The following CNTN5 variants were observed in gnomAD, a reference collection of about 807,000 sequenced individuals.
CNTN5 encodes contactin-5.
A neutral mutation model predicts 129.1 loss-of-function variants in CNTN5; 77 were observed. The observed-to-expected ratio is 0.60, with a 90% CI of 0.50 to 0.72. The LOEUF (loss-of-function observed/expected upper bound fraction) is 0.72, where lower values mean the gene tolerates loss of function less well. Ranked by LOEUF, CNTN5 falls within the 30% of genes least tolerant of loss-of-function variation. The probability of loss-of-function intolerance (pLI) is 0.00; values close to 1 mark genes in which losing one functional copy is unlikely to be tolerated. For synonymous variants in CNTN5, 509 were observed against 465.6 expected (o/e 1.09, Z -1.20); for missense variants, 1,478 against 1,328.8 (o/e 1.11, Z -1.75).
intron 2 of CNTN5, among the ~76,000 whole-genome samples, chr11:99,435,972 A>G (rs1488142678): frequency 6.6e-6 from 1 of 152,222 alleles, no homozygotes; most frequent in Admixed American, 6.5e-5. Flanking sequence ...GGTCGTATTC[A>G]ACTTTGAAAT....
At chr11:99,129,639 T>C (rs1178371414) in intron 1 of CNTN5, among the ~76,000 whole-genome samples, 1 of 151,984 alleles carries the variant, frequency 6.6e-6, no homozygotes, top group Non-Finnish European at 1.5e-5. Context: ...CACGAGAAGA[T>C]CTACTGCAAG....
At chr11:99,361,592 CT>C in intron 2 of CNTN5, among the ~76,000 whole-genome samples, 1 of 152,178 alleles carries the variant, frequency 6.6e-6, no homozygotes, top group Middle Eastern at 3.4e-3. Context: ...TCTTTTCAGA[CT>C]TTTTCATCAT....
At chr11:99,062,129 G>T (rs1864909556) in intron 1 of CNTN5, among the ~76,000 whole-genome samples, 1 of 152,028 alleles carries the variant, frequency 6.6e-6, no homozygotes, top group African/African-American at 2.4e-5. Flanking sequence ...AAAAACCCAA[G>T]ACAATTTTGA....
At chr11:99,738,379 C>T (rs544485278) in intron 3 of CNTN5, among the ~76,000 whole-genome samples, 6 of 152,152 alleles carry the variant, frequency 3.9e-5, no homozygotes, top group South Asian at 2.1e-4. Context: ...GTCTCCAGAA[C>T]GATGAGAAAA....
rs1027330659 is a variant in CNTN5, at chr11:100,236,914, G to C, written c.2005+12102G>C. The stretch of plus-strand genomic sequence containing the variant: ...GGTCACCAAGAAAGAACTCCGCTGG[G>C]CGCGGTGGCTCACGCCTGTAATCCC... On this transcript the variant is annotated intron_variant, in intron 16 of 24. Coordinates refer to ENST00000524871, the MANE Select transcript of CNTN5 (RefSeq NM_014361.4). Among the ~76,000 whole-genome samples, 4 of 152,260 alleles carry C rather than the reference G, an allele frequency of 2.6e-5. No homozygotes were observed. The South Asian group carries it at 8.3e-4, about 32-fold the overall frequency.
intron 6 of CNTN5, among the ~76,000 whole-genome samples, chr11:99,870,414 C>A (rs563607259): frequency 2.6e-4 from 40 of 152,140 alleles, no homozygotes; most frequent in African/African-American, 8.9e-4. Flanking sequence ...AGCAAGGAAG[C>A]TTTTCTGTTA....
chr11:99,784,795 G>GTTTTTT (rs55715264), intron 3 of CNTN5, among the ~76,000 whole-genome samples: 4 of 93,928 alleles, frequency 4.3e-5, no homozygotes, highest in Non-Finnish European at 8.3e-5. Context: ...ATCTCATTGT[G>GTTTTTT]TTTTTTTTTT....
At chr11:99,523,405 G>A (rs148593789) in intron 2 of CNTN5, among the ~76,000 whole-genome samples, 1,633 of 152,134 alleles carry the variant, frequency 0.011, 32 homozygotes, top group African/African-American at 0.037. Context: ...GACCAGCCTA[G>A]GCGACGTGGC....
At chr11:99,191,127 A>T (rs2135592092) in intron 1 of CNTN5, among the ~76,000 whole-genome samples, 1 of 151,686 alleles carries the variant, frequency 6.6e-6, no homozygotes, top group Non-Finnish European at 1.5e-5. Context: ...CATTCTGTTG[A>T]TGTGTGTACC....
intron 2 of CNTN5, among the ~76,000 whole-genome samples, chr11:99,545,772 A>G (rs920093889): frequency 3.3e-5 from 5 of 152,330 alleles, no homozygotes; most frequent in East Asian, 3.9e-4. Context: ...AACCCTGAAC[A>G]GGTGTTCTCA....
intron 2 of CNTN5, among the ~76,000 whole-genome samples, chr11:99,325,792 T>C (rs1359692014): frequency 6.6e-6 from 1 of 152,206 alleles, no homozygotes; most frequent in African/African-American, 2.4e-5. Flanking sequence ...ATAAAATGGC[T>C]GAAAACAGTA....
At chr11:100,192,121 T>A (rs1170255579) in intron 14 of CNTN5, among the ~76,000 whole-genome samples, 1 of 152,060 alleles carries the variant, frequency 6.6e-6, no homozygotes, top group Non-Finnish European at 1.5e-5. Context: ...ATGTAAAATA[T>A]ACTTTCATTT....
chr11:100,040,761 A>G (rs1244757260), intron 9 of CNTN5, among the ~76,000 whole-genome samples: 1 of 152,194 alleles, frequency 6.6e-6, no homozygotes, highest in East Asian at 1.9e-4. Context: ...CTGTGGGCGT[A>G]GGACCCTCCT....
chr11:99,042,275 G>A (rs1195020056), intron 1 of CNTN5, among the ~76,000 whole-genome samples: 2 of 151,206 alleles, frequency 1.3e-5, no homozygotes, highest in South Asian at 2.1e-4. Flanking sequence ...CGTAGATGAC[G>A]GGTTGATGGG....
chr11:99,115,475 C>T (rs1858001326), intron 1 of CNTN5, among the ~76,000 whole-genome samples: 1 of 152,080 alleles, frequency 6.6e-6, no homozygotes, highest in Non-Finnish European at 1.5e-5. Context: ...AGATAAAATA[C>T]TGGCCGGGTG....
intron 18 of CNTN5, among the ~76,000 whole-genome samples, chr11:100,276,187 A>C (rs557182312): frequency 3.3e-5 from 5 of 152,278 alleles, no homozygotes; most frequent in African/African-American, 1.2e-4. Context: ...CTGCATGCCA[A>C]AAAACAGAAT....
intron 16 of CNTN5, among the ~76,000 whole-genome samples, chr11:100,246,312 G>C (rs1949838604): frequency 6.6e-6 from 1 of 152,148 alleles, no homozygotes; most frequent in African/African-American, 2.4e-5. Context: ...AGGAAACTGA[G>C]ACTTAATGAG....
intron 1 of CNTN5, among the ~76,000 whole-genome samples, chr11:99,166,443 G>A (rs1330747795): frequency 1.3e-5 from 2 of 151,088 alleles, no homozygotes; most frequent in South Asian, 2.1e-4. Context: ...GACTCCAAAG[G>A]GTTTGAGCAT....
chr11:99,331,528 A>G (rs978900154), intron 2 of CNTN5, among the ~76,000 whole-genome samples: 1 of 152,138 alleles, frequency 6.6e-6, no homozygotes, highest in African/African-American at 2.4e-5. Context: ...TGGAAAATAA[A>G]TGAAAAAGAA....
Sources: allele counts gnomAD v4.1 joint callset (sites outside exome capture counted in the v4.1 genomes callset), GRCh38; gene constraint gnomAD v4.1.1; transcripts MANE v1.5; gene names NCBI Gene and HGNC (gene_info 2026-07-23, HGNC 2026-07-21).